Variants in PDE11A observed in about 807,000 individuals in gnomAD.
The protein encoded by PDE11A is phosphodiesterase 11A, also known as dual 3',5'-cyclic-AMP and -GMP phosphodiesterase 11A.
PDE11A carries 100 observed loss-of-function variants against 100.5 expected under a neutral mutation model. That is an observed-to-expected ratio of 1.00 (90% CI 0.85 to 1.18). PDE11A has a LOEUF of 1.18. Among genes scored for constraint, PDE11A ranks in the 50% most tolerant of loss-of-function variants. The probability of loss-of-function intolerance (pLI) is 0.00; values close to 1 mark genes in which losing one functional copy is unlikely to be tolerated. For synonymous variants in PDE11A, 381 were observed against 420.8 expected (o/e 0.91, Z 1.16); for missense variants, 1,141 against 1,152.6 (o/e 0.99, Z 0.15).
chr2:178,093,761 G>A (rs1474777161), intron 2 of PDE11A, among the ~76,000 whole-genome samples: 1 of 152,164 alleles, frequency 6.6e-6, no homozygotes, highest in African/African-American at 2.4e-5. Flanking sequence ...TATATCAGCT[G>A]GCCATGAAAG....
intron 2 of PDE11A, among the ~76,000 whole-genome samples, chr2:178,006,819 A>G (rs1194555019): frequency 8.7e-5 from 1 of 11,512 alleles, no homozygotes. Context: ...TTTCTGTCAA[A>G]ACAAGGGGGG....
chr2:178,108,012 G>T (rs2087641895), intron 1 of PDE11A, among the ~76,000 whole-genome samples: 2 of 152,150 alleles, frequency 1.3e-5, no homozygotes, highest in African/African-American at 4.8e-5. Flanking sequence ...AAGCCACCAT[G>T]CCAAGCCAAC....
intron 2 of PDE11A, among the ~76,000 whole-genome samples, chr2:178,006,632 G>GT (rs911165515): frequency 7.9e-5 from 12 of 151,918 alleles, no homozygotes; most frequent in African/African-American, 2.4e-5. Context: ...GGTTGTTGTT[G>GT]TTTTTTTAAG....
intron 9 of PDE11A, among the ~76,000 whole-genome samples, chr2:177,798,596 A>G (rs1184083757): frequency 2.0e-5 from 3 of 152,236 alleles, no homozygotes; most frequent in Non-Finnish European, 2.9e-5. Flanking sequence ...GTGCATACAC[A>G]TAAGTTCTTT....
At chr2:177,794,294 C>A (rs546612777) in intron 9 of PDE11A, among the ~76,000 whole-genome samples, 1 of 152,126 alleles carries the variant, frequency 6.6e-6, no homozygotes, top group Admixed American at 6.5e-5. Flanking sequence ...GGTGCAAGTG[C>A]AAAGGTCCTA....
intron 9 of PDE11A, among the ~76,000 whole-genome samples, chr2:177,781,541 TC>T (rs762934772): frequency 6.6e-6 from 1 of 151,570 alleles, no homozygotes; most frequent in Non-Finnish European, 1.5e-5. Flanking sequence ...GTCACTCTGT[TC>T]CCCAGGCTGG....
chr2:177,827,399 C>T (rs2083242205), intron 6 of PDE11A, among the ~76,000 whole-genome samples: 1 of 152,204 alleles, frequency 6.6e-6, no homozygotes, highest in Non-Finnish European at 1.5e-5. Context: ...CCAAATCCAT[C>T]CATGCATAAG....
At chr2:177,973,321 G>T (rs2085797830) in intron 2 of PDE11A, among the ~76,000 whole-genome samples, 1 of 103,098 alleles carries the variant, frequency 9.7e-6, no homozygotes, top group African/African-American at 4.0e-5. Context: ...AAAGAAAGGG[G>T]TGACGGACGC....
chr2:177,959,447 G>T (rs965037594), intron 2 of PDE11A, among the ~76,000 whole-genome samples: 3 of 152,140 alleles, frequency 2.0e-5, no homozygotes, highest in Admixed American at 1.3e-4. Flanking sequence ...ACATAGTCAT[G>T]GAGCACTAGT....
At chr2:177,985,692 T>C (rs6759109) in intron 2 of PDE11A, among the ~76,000 whole-genome samples, 41,493 of 152,086 alleles carry the variant, frequency 0.27, 6,111 homozygotes, top group African/African-American at 0.39. Context: ...GAACAAGTCT[T>C]TTCTATCTGC....
chr2:177,844,346 A>T (rs897355345), intron 5 of PDE11A, among the ~76,000 whole-genome samples: 3 of 152,002 alleles, frequency 2.0e-5, no homozygotes, highest in Non-Finnish European at 2.9e-5. Flanking sequence ...AAAGGCACTG[A>T]TTCCATTCAT....
At chr2:177,919,648 GA>G (rs2085010647) in intron 2 of PDE11A, among the ~76,000 whole-genome samples, 1 of 151,780 alleles carries the variant, frequency 6.6e-6, no homozygotes, top group Admixed American at 6.6e-5. Context: ...GGGTATTAAA[GA>G]TTTTTTAATG....
At chr2:177,814,380 A>G (rs1053724562) in intron 9 of PDE11A, among the ~76,000 whole-genome samples, 1 of 152,100 alleles carries the variant, frequency 6.6e-6, no homozygotes, top group Non-Finnish European at 1.5e-5. Context: ...TGTCTTTATA[A>G]AGTCCTCAGG....
chr2:177,780,273 A>G (rs1449937174), intron 9 of PDE11A, among the ~76,000 whole-genome samples: 3 of 152,146 alleles, frequency 2.0e-5, no homozygotes, highest in African/African-American at 7.2e-5. Context: ...TTTTTTAGAC[A>G]GGGAATCTCA....
At chr2:177,658,448 T>TCCTCC (rs1179737966) in intron 19 of PDE11A, among the ~76,000 whole-genome samples, 1 of 151,630 alleles carries the variant, frequency 6.6e-6, no homozygotes, top group Non-Finnish European at 1.5e-5. Context: ...TTTCCTTCTC[T>TCCTCC]CCTCCCCTTC....
At chr2:177,872,384 C>T (rs943508781) in intron 5 of PDE11A, among the ~76,000 whole-genome samples, 8 of 152,162 alleles carry the variant, frequency 5.3e-5, no homozygotes, top group Non-Finnish European at 1.2e-4. Flanking sequence ...GAGCACACTT[C>T]ATGGAGGGAG....
intron 2 of PDE11A, among the ~76,000 whole-genome samples, chr2:177,909,350 C>T (rs1235913879): frequency 4.6e-5 from 7 of 152,150 alleles, no homozygotes; most frequent in Admixed American, 1.3e-4. Context: ...AAAATGAACA[C>T]CCAACTCACT....
chr2:177,822,428 T>G (rs2083155215), intron 6 of PDE11A, among the ~76,000 whole-genome samples: 1 of 152,174 alleles, frequency 6.6e-6, no homozygotes, highest in South Asian at 2.1e-4. Context: ...TTCTGGACTC[T>G]CTATTCTATT....
chr2:178,053,208 A>G lies in PDE11A; in HGVS notation c.912+18318T>C, dbSNP rs1574370348. On this transcript the variant is annotated intron_variant, in intron 1 of 19. Transcript: ENST00000286063. ...ATCCCTGGGATGCAAGGCTGGTTCAACATACACAAATCAATAAACATAATC... is the reference window on the plus strand; with the variant it reads ...ATCCCTGGGATGCAAGGCTGGTTCAGCATACACAAATCAATAAACATAATC... Among the ~76,000 whole-genome samples the G allele has an allele frequency of 3.3e-5, 5 of 152,324 alleles. No individual in the cohort carries two copies. In the South Asian group the frequency reaches 1.0e-3, roughly 32 times the overall value.
Sources: gnomAD v4.1 joint callset for allele counts (sites outside exome capture counted in the v4.1 genomes callset) on GRCh38, gnomAD v4.1.1 for gene constraint, MANE v1.5 for transcripts, NCBI Gene and HGNC (gene_info 2026-07-23, HGNC 2026-07-21) for gene names.